Variants in NKAIN2 observed in about 807,000 individuals in gnomAD.
The protein encoded by NKAIN2 is sodium/potassium-transporting ATPase subunit beta-1-interacting protein 2.
NKAIN2 carries 14 observed loss-of-function variants against 32.6 expected under a neutral mutation model. The ratio of observed to expected loss-of-function variants is 0.43; its 90% CI spans 0.28 to 0.67. NKAIN2 has a LOEUF of 0.67. NKAIN2 is among the 30% of genes least tolerant of loss of function. The pLI is 0.17. For synonymous variants in NKAIN2, 80 were observed against 87.2 expected (o/e 0.92, Z 0.46); for missense variants, 198 against 258.3 (o/e 0.77, Z 1.60).
At chr6:124,729,328 A>G (rs1410089880) in intron 4 of NKAIN2, among the ~76,000 whole-genome samples, 1 of 150,490 alleles carries the variant, frequency 6.6e-6, no homozygotes, top group African/African-American at 2.4e-5. Flanking sequence ...TGGCAAACCG[A>G]ATCCAGCAGC....
chr6:123,995,167 A>G (rs1779564179), intron 1 of NKAIN2, among the ~76,000 whole-genome samples: 1 of 152,180 alleles, frequency 6.6e-6, no homozygotes, highest in African/African-American at 2.4e-5. Flanking sequence ...TCCTCAGGAC[A>G]TTACAATATA....
At chr6:123,948,597 A>ATTTTTTTTTTTTTTTTTTTTTTTT (rs71021472) in intron 1 of NKAIN2, among the ~76,000 whole-genome samples, 9 of 49,280 alleles carry the variant, frequency 1.8e-4, no homozygotes, top group Non-Finnish European at 2.9e-4. Context: ...CTTAAATGGG[A>ATTTTTTTTTTTTTTTTTTTTTTTT]TTTTTTTTTT....
intron 3 of NKAIN2, among the ~76,000 whole-genome samples, chr6:124,628,842 A>G (rs1783455007): frequency 6.6e-6 from 1 of 152,104 alleles, no homozygotes; most frequent in Non-Finnish European, 1.5e-5. Flanking sequence ...AGGAATAGCA[A>G]TATAAAATAA....
intron 4 of NKAIN2, among the ~76,000 whole-genome samples, chr6:124,730,947 A>G (rs1293198118): frequency 7.7e-6 from 1 of 129,582 alleles, no homozygotes; most frequent in African/African-American, 2.9e-5. Flanking sequence ...GCAGCCAAAA[A>G]ACACATGAAA....
intron 1 of NKAIN2, among the ~76,000 whole-genome samples, chr6:124,150,920 T>C (rs1006069687): frequency 2.6e-4 from 39 of 152,236 alleles, no homozygotes; most frequent in African/African-American, 9.4e-4. Context: ...TGAATGAAAA[T>C]TGAGCATTTA....
chr6:124,730,107 T>A (rs1445643874), intron 4 of NKAIN2, among the ~76,000 whole-genome samples: 1 of 92,160 alleles, frequency 1.1e-5, no homozygotes, highest in Non-Finnish European at 2.2e-5. Context: ...GCAGGAAGAA[T>A]CAATATCGTG....
rs537773568 is a variant in NKAIN2 at position 124,085,805 on chromosome 6, G to C, written c.55-197200G>C. 9.9e-5 allele frequency among the ~76,000 whole-genome samples: 15 copies of C among 151,984 alleles called. 1 individual carries two copies. In the South Asian group the frequency reaches 3.1e-3, roughly 32 times the overall value. Reference sequence around the variant, plus strand: ...GGTAATAAATTGTAGTTGTGAATGAGATTATGACGGCTTGGTAAATCTATA... The same window carrying C: ...GGTAATAAATTGTAGTTGTGAATGACATTATGACGGCTTGGTAAATCTATA... On this transcript the variant is annotated intron_variant, in intron 1 of 6. Coordinates refer to ENST00000368417, the MANE Select transcript of NKAIN2 (RefSeq NM_001040214.3).
At chr6:124,588,291 C>T (rs1241022538) in intron 3 of NKAIN2, among the ~76,000 whole-genome samples, 1 of 152,038 alleles carries the variant, frequency 6.6e-6, no homozygotes, top group African/African-American at 2.4e-5. Flanking sequence ...TTTATTCATC[C>T]ATCATCTCTC....
At chr6:124,385,788 AT>A (rs1258926816) in intron 3 of NKAIN2, among the ~76,000 whole-genome samples, 13 of 152,142 alleles carry the variant, frequency 8.5e-5, no homozygotes, top group Admixed American at 8.5e-4. Flanking sequence ...TCTCATATTT[AT>A]GCTACATATT....
chr6:124,718,716 G>GT (rs908047347), intron 4 of NKAIN2, among the ~76,000 whole-genome samples: 6 of 152,008 alleles, frequency 3.9e-5, no homozygotes, highest in African/African-American at 1.5e-4. Flanking sequence ...CTGAGCCTCG[G>GT]TTTTTTTCAT....
chr6:124,104,966 A>G (rs1160154850), intron 1 of NKAIN2, among the ~76,000 whole-genome samples: 1 of 152,200 alleles, frequency 6.6e-6, no homozygotes, highest in Non-Finnish European at 1.5e-5. Flanking sequence ...AGTGGAAAAG[A>G]CAAGACTTCT....
At chr6:124,359,883 C>A (rs1583120962) in intron 3 of NKAIN2, among the ~76,000 whole-genome samples, 1 of 152,120 alleles carries the variant, frequency 6.6e-6, no homozygotes, top group African/African-American at 2.4e-5. Flanking sequence ...AGTTTTTGCC[C>A]ATTCAGTATG....
chr6:123,896,934 C>A (rs1169159210), intron 1 of NKAIN2, among the ~76,000 whole-genome samples: 1 of 152,108 alleles, frequency 6.6e-6, no homozygotes, highest in Non-Finnish European at 1.5e-5. Flanking sequence ...ACCTGCAACC[C>A]CACATTTCTT....
chr6:124,302,345 C>A (rs925334677), intron 2 of NKAIN2, among the ~76,000 whole-genome samples: 1 of 152,170 alleles, frequency 6.6e-6, no homozygotes, highest in African/African-American at 2.4e-5. Context: ...TAATCTGATT[C>A]TTAGATTTCT....
intron 1 of NKAIN2, among the ~76,000 whole-genome samples, chr6:124,162,063 T>G (rs534648534): frequency 1.3e-5 from 2 of 152,326 alleles, no homozygotes; most frequent in South Asian, 4.1e-4. Context: ...TTTCTAAGTT[T>G]TCTTTTATTT....
chr6:124,031,324 G>T (rs897617517), intron 1 of NKAIN2, among the ~76,000 whole-genome samples: 12 of 151,678 alleles, frequency 7.9e-5, no homozygotes, highest in Non-Finnish European at 1.5e-4. Context: ...TCTTGCTAGC[G>T]GTCTATCCAT....
At chr6:124,189,585 A>T (rs1562411463) in intron 1 of NKAIN2, among the ~76,000 whole-genome samples, 2 of 152,174 alleles carry the variant, frequency 1.3e-5, no homozygotes. Context: ...CTGTAGTCCC[A>T]GCTACTCAGG....
intron 5 of NKAIN2, among the ~76,000 whole-genome samples, chr6:124,800,705 A>G (rs1216484217): frequency 1.3e-5 from 2 of 152,202 alleles, no homozygotes; most frequent in Non-Finnish European, 2.9e-5. Flanking sequence ...CTGGGAATCC[A>G]TGCCTATTAT....
chr6:124,713,010 A>G (rs1230336655), intron 4 of NKAIN2, among the ~76,000 whole-genome samples: 1 of 152,112 alleles, frequency 6.6e-6, no homozygotes, highest in Non-Finnish European at 1.5e-5. Flanking sequence ...GTATACAGAA[A>G]TAGTACAGAT....
Sources: allele counts gnomAD v4.1 joint callset (sites outside exome capture counted in the v4.1 genomes callset), GRCh38; gene constraint gnomAD v4.1.1; transcripts MANE v1.5; gene names NCBI Gene and HGNC (gene_info 2026-07-23, HGNC 2026-07-21).